Variants in GLYATL2 observed in about 807,000 individuals in gnomAD.
GLYATL2 encodes the protein glycine N-acyltransferase-like protein 2.
Under a neutral mutation model 21.4 loss-of-function variants are expected in GLYATL2, and 25 were observed. The observed-to-expected ratio is 1.17, with a 90% confidence interval of 0.85 to 1.63. The LOEUF (loss-of-function observed/expected upper bound fraction) is 1.63, where lower values mean the gene tolerates loss of function less well. Ranked by LOEUF, GLYATL2 falls within the 40% of genes most tolerant of loss-of-function variation. The pLI is 0.00. For missense variants in GLYATL2, 361 were observed against 343.3 expected (o/e 1.05, Z -0.41); for synonymous variants, 114 against 118.2 (o/e 0.96, Z 0.23).
intron 3 of GLYATL2, 66 bp from the exon 4 acceptor site, chr11:58,837,463 C>A: frequency 7.2e-7 from 1 of 1,383,036 alleles, no homozygotes; most frequent in Admixed American, 1.8e-5. Flanking sequence ...TTGCATAGGT[C>A]TAGAGTGCTA....
intron 1 of GLYATL2, among the ~76,000 whole-genome samples, chr11:58,869,203 T>C (rs1394769009): frequency 6.6e-6 from 1 of 152,240 alleles, no homozygotes; most frequent in Non-Finnish European, 1.5e-5. Context: ...CGCATGTGTC[T>C]GATATAGTCA....
chr11:58,851,205 C>T (rs1422258526), intron 1 of GLYATL2, among the ~76,000 whole-genome samples: 4 of 152,268 alleles, frequency 2.6e-5, no homozygotes, highest in Admixed American at 2.6e-4. Flanking sequence ...TGGTAGTGGT[C>T]CCCCGGGCCC....
chr11:58,841,927 C>T (rs1341913052), intron 1 of GLYATL2, among the ~76,000 whole-genome samples: 1 of 152,048 alleles, frequency 6.6e-6, no homozygotes, highest in African/African-American at 2.4e-5. Context: ...GTGAAGGTAA[C>T]TTTTTCAAAG....
At chr11:58,881,092 T>C (rs973615589) in intron 1 of GLYATL2, among the ~76,000 whole-genome samples, 10 of 152,252 alleles carry the variant, frequency 6.6e-5, no homozygotes, top group Non-Finnish European at 1.2e-4. Flanking sequence ...AATCTATATA[T>C]GACATGTTGA....
chr11:58,875,249 C>T (rs1467327926), intron 1 of GLYATL2, among the ~76,000 whole-genome samples: 1 of 152,182 alleles, frequency 6.6e-6, no homozygotes, highest in Non-Finnish European at 1.5e-5. Context: ...ATCCAATTTG[C>T]CAGTCTGTGC....
At chr11:58,855,414 G>T (rs1299242563) in intron 1 of GLYATL2, among the ~76,000 whole-genome samples, 3 of 152,196 alleles carry the variant, frequency 2.0e-5, no homozygotes, top group Non-Finnish European at 4.4e-5. Context: ...TGAGCATTAG[G>T]TCTCAATTGT....
intron 1 of GLYATL2, among the ~76,000 whole-genome samples, chr11:58,871,428 TC>T (rs1320541835): frequency 8.8e-6 from 1 of 114,210 alleles, no homozygotes; most frequent in Non-Finnish European, 1.8e-5. Context: ...GTGCTATCCC[TC>T]CCCCCTCCCC....
At position 58,861,397 on chromosome 11, in the gene GLYATL2, A is replaced by T. The variant is rs186878606; in HGVS notation, n.61-23029T>A. Among the ~76,000 whole-genome samples, 619 of 151,590 alleles carry T rather than the reference A, an allele frequency of 4.1e-3. 1 individual carries two copies. Among genetic ancestry groups the T allele is most frequent in the Middle Eastern group, 6.8e-3 (2 of 292 alleles). On this transcript the variant is annotated intron_variant and non_coding_transcript_variant, in intron 1 of 4. Transcript: ENST00000533636. ...TAATTGGTCATAATAGTCTATTCTG[A>T]TCCTTTGTGATATAAGTTGTAATGT...
chr11:58,885,219 C>T (rs780041374), intron 1 of GLYATL2, among the ~76,000 whole-genome samples: 1 of 152,212 alleles, frequency 6.6e-6, no homozygotes, highest in Non-Finnish European at 1.5e-5. Context: ...TGCACAGTAG[C>T]TCTTTGGTAT....
upstream of GLYATL2, among the ~76,000 whole-genome samples, chr11:58,845,544 A>T (rs1323965145): frequency 2.0e-5 from 3 of 152,204 alleles, no homozygotes; most frequent in South Asian, 6.2e-4. Flanking sequence ...TTGAGATCGC[A>T]GTAAGCTATT....
chr11:58,864,680 C>T (rs1346196427), intron 1 of GLYATL2, among the ~76,000 whole-genome samples: 1 of 149,122 alleles, frequency 6.7e-6, no homozygotes, highest in African/African-American at 2.4e-5. Flanking sequence ...TTCATCTTTT[C>T]TTATTTCTCT....
intron 1 of GLYATL2, among the ~76,000 whole-genome samples, chr11:58,897,457 CTG>C (rs923263659): frequency 5.3e-5 from 8 of 152,188 alleles, no homozygotes; most frequent in Non-Finnish European, 1.0e-4. Flanking sequence ...CCTTTTAGAA[CTG>C]TGTGTCTTCA....
chr11:58,851,457 A>T (rs1190239646), intron 1 of GLYATL2, among the ~76,000 whole-genome samples: 1 of 152,168 alleles, frequency 6.6e-6, no homozygotes, highest in Non-Finnish European at 1.5e-5. Context: ...CATGATGAAT[A>T]ATCTTTCTAA....
At chr11:58,871,454 C>T (rs1051284267) in intron 1 of GLYATL2, among the ~76,000 whole-genome samples, 8 of 135,448 alleles carry the variant, frequency 5.9e-5, no homozygotes, top group African/African-American at 1.6e-4. Flanking sequence ...CCACAACAGG[C>T]CCCGGTGTGT....
chr11:58,888,965 A>G (rs1854491206), intron 1 of GLYATL2, among the ~76,000 whole-genome samples: 1 of 151,762 alleles, frequency 6.6e-6, no homozygotes, highest in Non-Finnish European at 1.5e-5. Flanking sequence ...TTTTTAGACA[A>G]TTGTGGAAGG....
At chr11:58,877,373 G>T (rs1432087869) in intron 1 of GLYATL2, among the ~76,000 whole-genome samples, 1 of 152,218 alleles carries the variant, frequency 6.6e-6, no homozygotes, top group Non-Finnish European at 1.5e-5. Context: ...GCTCACACTG[G>T]GAGCTGTAGA....
chr11:58,862,143 C>G (rs1853943563), intron 1 of GLYATL2, among the ~76,000 whole-genome samples: 2 of 152,156 alleles, frequency 1.3e-5, no homozygotes, highest in Non-Finnish European at 1.5e-5. Context: ...ATTCCATGCT[C>G]TCAGCCGATA....
upstream of GLYATL2, among the ~76,000 whole-genome samples, chr11:58,848,096 A>G (rs1412134117): frequency 4.7e-5 from 7 of 149,754 alleles, no homozygotes; most frequent in Non-Finnish European, 1.0e-4. Flanking sequence ...CTCCAAGACT[A>G]TTGAGGCGGT....
intron 1 of GLYATL2, among the ~76,000 whole-genome samples, chr11:58,857,151 G>A (rs1197893835): frequency 6.6e-6 from 1 of 152,036 alleles, no homozygotes; most frequent in African/African-American, 2.4e-5. Flanking sequence ...AGTGCACAAG[G>A]GTTCTCCTCT....
Sources: allele counts gnomAD v4.1 joint callset (sites outside exome capture counted in the v4.1 genomes callset), GRCh38; gene constraint gnomAD v4.1.1; transcripts MANE v1.5; gene names NCBI Gene and HGNC (gene_info 2026-07-23, HGNC 2026-07-21).